HS6ST3: variants seen among roughly 807,000 people sequenced by gnomAD.
HS6ST3 encodes the protein heparan-sulfate 6-O-sulfotransferase 3.
Under a neutral mutation model 36.7 loss-of-function variants are expected in HS6ST3, and 12 were observed. The ratio of observed to expected loss-of-function variants is 0.33; its 90% CI spans 0.21 to 0.53. The LOEUF (loss-of-function observed/expected upper bound fraction) is 0.53, where lower values mean the gene tolerates loss of function less well. Ranked by LOEUF, HS6ST3 falls within the 20% of genes least tolerant of loss-of-function variation. The pLI, the probability that HS6ST3 is intolerant of heterozygous loss-of-function variation, is 0.95. For synonymous variants in HS6ST3, 240 were observed against 257.5 expected, an observed-to-expected ratio of 0.93 and a Z score of 0.65; for missense variants, 584 against 640.9, an observed-to-expected ratio of 0.91 and a Z score of 0.96.
At chr13:96,781,315 C>A (rs1014597048) in intron 1 of HS6ST3, among the ~76,000 whole-genome samples, 1 of 152,194 alleles carries the variant, frequency 6.6e-6, no homozygotes, top group Non-Finnish European at 1.5e-5. Flanking sequence ...AGCCAGGGCA[C>A]GTAGTTGGGT....
chr13:96,326,333 C>A (rs1460388277), intron 1 of HS6ST3, among the ~76,000 whole-genome samples: 1 of 121,242 alleles, frequency 8.2e-6, no homozygotes, highest in Non-Finnish European at 1.7e-5. Flanking sequence ...CCCCCTCCCC[C>A]CACCCCACAA....
chr13:96,275,505 G>A (rs760257448), intron 1 of HS6ST3, among the ~76,000 whole-genome samples: 1 of 152,074 alleles, frequency 6.6e-6, no homozygotes, highest in Non-Finnish European at 1.5e-5. Context: ...GAATTTCCAT[G>A]TATTCATTTT....
chr13:96,535,388 C>G (rs1369378153), intron 1 of HS6ST3, among the ~76,000 whole-genome samples: 1 of 151,718 alleles, frequency 6.6e-6, no homozygotes, highest in African/African-American at 2.4e-5. Flanking sequence ...AACCCTGTCT[C>G]TACTAAAAAA....
intron 1 of HS6ST3, among the ~76,000 whole-genome samples, chr13:96,600,667 A>G (rs1344676720): frequency 6.6e-6 from 1 of 151,974 alleles, no homozygotes; most frequent in Non-Finnish European, 1.5e-5. Flanking sequence ...ATTTACATTC[A>G]ATGTTAATAT....
intron 1 of HS6ST3, among the ~76,000 whole-genome samples, chr13:96,756,002 T>C (rs1876820332): frequency 6.6e-6 from 1 of 152,194 alleles, no homozygotes; most frequent in Admixed American, 6.5e-5. Context: ...TATTAGTCTT[T>C]AGTTGTAGCC....
intron 1 of HS6ST3, among the ~76,000 whole-genome samples, chr13:96,296,809 C>T (rs1210924098): frequency 1.3e-5 from 2 of 152,084 alleles, no homozygotes; most frequent in African/African-American, 4.8e-5. Flanking sequence ...TTACCAGGAA[C>T]ATTTCCACCA....
In HS6ST3 at chr13:96,538,138, G is replaced by A. The variant is rs573589973; in HGVS notation, c.708-294352G>A. Among the ~76,000 whole-genome samples the A allele has an allele frequency of 2.0e-5, 3 of 152,062 alleles. No individual in the cohort carries two copies. In the South Asian group the frequency reaches 6.2e-4, roughly 32 times the overall value. On this transcript the variant is annotated intron_variant, in intron 1 of 1. Transcript: ENST00000376705. Reference sequence around the variant, plus strand: ...GACCCAAACACGAATTAGAGCCTGAGGTCCCCTGTCCAGCATATTAGCAAA... The same window carrying A: ...GACCCAAACACGAATTAGAGCCTGAAGTCCCCTGTCCAGCATATTAGCAAA...
chr13:96,326,511 C>T (rs1313060968), intron 1 of HS6ST3, among the ~76,000 whole-genome samples: 1 of 152,090 alleles, frequency 6.6e-6, no homozygotes, highest in African/African-American at 2.4e-5. Context: ...ATGAACTCAT[C>T]ATTTTTCATG....
chr13:96,648,560 G>C (rs1038814557), intron 1 of HS6ST3, among the ~76,000 whole-genome samples: 3 of 150,772 alleles, frequency 2.0e-5, no homozygotes, highest in Non-Finnish European at 4.4e-5. Context: ...AGGTAAACGT[G>C]TGCCATGGTG....
intron 1 of HS6ST3, among the ~76,000 whole-genome samples, chr13:96,633,122 G>A (rs2056537528): frequency 6.6e-6 from 1 of 152,170 alleles, no homozygotes; most frequent in Non-Finnish European, 1.5e-5. Context: ...AAACATGGAG[G>A]AGTGATGCCA....
chr13:96,142,052 AAAAGCTG>A (rs2054034690), intron 1 of HS6ST3, among the ~76,000 whole-genome samples: 1 of 142,774 alleles, frequency 7.0e-6, no homozygotes, highest in South Asian at 2.3e-4. Context: ...AAAAAAAAAA[AAAAGCTG>A]GCCAAGGGAG....
intron 1 of HS6ST3, among the ~76,000 whole-genome samples, chr13:96,323,777 T>C (rs1285661549): frequency 1.3e-5 from 2 of 152,244 alleles, no homozygotes; most frequent in Admixed American, 1.3e-4. Flanking sequence ...GCAACAATTA[T>C]AACCATCTTA....
intron 1 of HS6ST3, among the ~76,000 whole-genome samples, chr13:96,741,305 A>G (rs889581031): frequency 1.3e-5 from 2 of 152,152 alleles, no homozygotes; most frequent in South Asian, 2.1e-4. Flanking sequence ...GCCAGAGACA[A>G]TTTCAAAAGA....
At chr13:96,518,850 C>T (rs1374097159) in intron 1 of HS6ST3, among the ~76,000 whole-genome samples, 3 of 152,152 alleles carry the variant, frequency 2.0e-5, no homozygotes, top group Non-Finnish European at 4.4e-5. Flanking sequence ...CATTCAAAGT[C>T]ATTTTGTAGT....
intron 1 of HS6ST3, among the ~76,000 whole-genome samples, chr13:96,251,242 A>G (rs1371956161): frequency 6.6e-6 from 1 of 152,142 alleles, no homozygotes; most frequent in Admixed American, 6.5e-5. Context: ...GAGTCTTTAA[A>G]AAATTACTGA....
intron 1 of HS6ST3, among the ~76,000 whole-genome samples, chr13:96,763,187 T>A (rs1226375848): frequency 6.6e-6 from 1 of 151,740 alleles, no homozygotes; most frequent in Non-Finnish European, 1.5e-5. Flanking sequence ...CCAGTTAATT[T>A]TACAAAGGTT....
intron 1 of HS6ST3, among the ~76,000 whole-genome samples, chr13:96,176,375 T>C (rs2054212732): frequency 6.6e-6 from 1 of 152,064 alleles, no homozygotes; most frequent in Non-Finnish European, 1.5e-5. Flanking sequence ...TTCTAGATAA[T>C]AAATGGAGGA....
At chr13:96,505,252 A>G (rs1566380475) in intron 1 of HS6ST3, among the ~76,000 whole-genome samples, 2 of 152,182 alleles carry the variant, frequency 1.3e-5, no homozygotes, top group African/African-American at 2.4e-5. Context: ...ATGCAAGAAA[A>G]TATGAACAGG....
intron 1 of HS6ST3, among the ~76,000 whole-genome samples, chr13:96,194,123 G>T (rs528165111): frequency 6.6e-6 from 1 of 152,032 alleles, no homozygotes; most frequent in African/African-American, 2.4e-5. Flanking sequence ...CAAAGCCCTC[G>T]TCTCCCTTAT....
Sources: allele counts gnomAD v4.1 joint callset (sites outside exome capture counted in the v4.1 genomes callset), GRCh38; gene constraint gnomAD v4.1.1; transcripts MANE v1.5; gene names NCBI Gene and HGNC (gene_info 2026-07-23, HGNC 2026-07-21).